STAU1: variants seen among roughly 807,000 people sequenced by gnomAD.
STAU1 encodes staufen double-stranded RNA binding protein 1.
STAU1 carries 13 observed loss-of-function variants against 62.9 expected under a neutral mutation model. The observed-to-expected ratio is 0.21, with a 90% CI of 0.13 to 0.33. The LOEUF (loss-of-function observed/expected upper bound fraction) is 0.33, where lower values mean the gene tolerates loss of function less well. Among genes scored for constraint, STAU1 ranks in the 10% least tolerant of loss-of-function variants. The pLI is 1.00. For synonymous variants in STAU1, 269 were observed against 265.1 expected (o/e 1.01, Z -0.14); for missense variants, 571 against 712.1 (o/e 0.80, Z 2.25).
At chr20:49,125,331 C>A (rs2092583246) in intron 6 of STAU1, among the ~76,000 whole-genome samples, 1 of 149,778 alleles carries the variant, frequency 6.7e-6, no homozygotes, top group African/African-American at 2.5e-5. Context: ...GAGTTCAAGA[C>A]CAGCCTGGCC....
intron 2 of STAU1, among the ~76,000 whole-genome samples, chr20:49,171,701 A>T (rs1270596683): frequency 6.6e-6 from 1 of 152,228 alleles, no homozygotes; most frequent in South Asian, 2.1e-4. Flanking sequence ...CCAGCCCCCC[A>T]AAATAGTAAT....
the STAU1 span, among the ~76,000 whole-genome samples, chr20:49,214,530 A>AC: frequency 2.7e-5 from 2 of 73,364 alleles, no homozygotes; most frequent in African/African-American, 1.6e-4. Flanking sequence ...AAAAAAAAAA[A>AC]AAACAATAAC....
intron 2 of STAU1, among the ~76,000 whole-genome samples, chr20:49,167,857 C>A (rs2093547639): frequency 6.6e-6 from 1 of 152,136 alleles, no homozygotes; most frequent in South Asian, 2.1e-4. Context: ...GACTTCACAA[C>A]ACCAACCACA....
chr20:49,116,072 C>A (rs1166672663), intron 12 of STAU1, among the ~76,000 whole-genome samples: 3 of 152,190 alleles, frequency 2.0e-5, no homozygotes, highest in African/African-American at 7.2e-5. Flanking sequence ...ATCATAACCT[C>A]TGAAAATGTT....
chr20:49,144,147 C>A (rs2093070324), intron 5 of STAU1, among the ~76,000 whole-genome samples: 1 of 152,200 alleles, frequency 6.6e-6, no homozygotes, highest in Non-Finnish European at 1.5e-5. Context: ...TTATTTTTGT[C>A]ATTTTTATAT....
chr20:49,156,430 C>T (rs957263676), intron 3 of STAU1, among the ~76,000 whole-genome samples: 4 of 152,050 alleles, frequency 2.6e-5, no homozygotes, highest in African/African-American at 7.2e-5. Flanking sequence ...TCAAAATCAA[C>T]AAGTTAAGAA....
intron 4 of STAU1, among the ~76,000 whole-genome samples, chr20:49,152,360 T>TTTC (rs1555852534): frequency 6.7e-6 from 1 of 149,782 alleles, no homozygotes; most frequent in Non-Finnish European, 1.5e-5. Flanking sequence ...TTTTTTTTTT[T>TTTC]GTGAGATGGA....
In STAU1 at chr20:49,156,878, A is replaced by AT. The variant is rs3091610; in HGVS notation, c.206-2808dup. On this transcript the variant is annotated intron_variant, in intron 3 of 13. Transcript: ENST00000371856. Reference sequence around the variant, plus strand: ...AGAGATTGTGTGTGTATGCACTGAAATTTTTTTTTTTTTTTAAGAGACACA... The same window carrying AT: ...AGAGATTGTGTGTGTATGCACTGAAATTTTTTTTTTTTTTTTAAGAGACACA... Among the ~76,000 whole-genome samples, 79 of 147,276 alleles carry AT rather than the reference A, an allele frequency of 5.4e-4. No homozygotes were observed. In the East Asian group the frequency reaches 9.0e-3, roughly 17 times the overall value.
At chr20:49,186,875 A>G (rs1474780140) in intron 1 of STAU1, among the ~76,000 whole-genome samples, 1 of 152,046 alleles carries the variant, frequency 6.6e-6, no homozygotes, top group Non-Finnish European at 1.5e-5. Context: ...GACCTTAAAA[A>G]CTTCCACACA....
intron 5 of STAU1, among the ~76,000 whole-genome samples, chr20:49,146,875 A>G (rs886808189): frequency 6.6e-6 from 1 of 151,988 alleles, no homozygotes; most frequent in Non-Finnish European, 1.5e-5. Context: ...GTTTTTAACC[A>G]CTTTCCTAGT....
intron 5 of STAU1, among the ~76,000 whole-genome samples, chr20:49,142,246 C>A (rs2146118536): frequency 6.6e-6 from 1 of 152,180 alleles, no homozygotes; most frequent in Middle Eastern, 3.4e-3. Context: ...GCCACCATGC[C>A]TGGCTAATTT....
the STAU1 span, among the ~76,000 whole-genome samples, chr20:49,199,407 T>C: frequency 0.33 from 48,990 of 148,144 alleles, 8,814 homozygotes; most frequent in Middle Eastern, 0.48. Context: ...AGTTTTGTAT[T>C]TTTAGTAGAG....
At chr20:49,194,202 G>C in the STAU1 span, among the ~76,000 whole-genome samples, 1 of 152,050 alleles carries the variant, frequency 6.6e-6, no homozygotes, top group Non-Finnish European at 1.5e-5. Context: ...GCCAGGGCGG[G>C]CAGATCACCT....
chr20:49,211,357 A>C, the STAU1 span, among the ~76,000 whole-genome samples: 1 of 148,668 alleles, frequency 6.7e-6, no homozygotes, highest in African/African-American at 2.5e-5. Flanking sequence ...TTGCTGGTTC[A>C]TATAGTAATT....
At chr20:49,138,743 C>A (rs2092944543) in intron 5 of STAU1, among the ~76,000 whole-genome samples, 1 of 152,134 alleles carries the variant, frequency 6.6e-6, no homozygotes, top group African/African-American at 2.4e-5. Flanking sequence ...AAGCAACCCT[C>A]CCACCTCAAC....
chr20:49,131,780 T>C (rs2092755185), intron 6 of STAU1, among the ~76,000 whole-genome samples: 1 of 151,070 alleles, frequency 6.6e-6, no homozygotes, highest in Non-Finnish European at 1.5e-5. Flanking sequence ...GAGGCAGAGG[T>C]TGCAGTGAGC....
intron 6 of STAU1, among the ~76,000 whole-genome samples, chr20:49,126,588 C>CAAAAAAAAAAAAAAAAAAAACA: frequency 1.8e-5 from 1 of 56,348 alleles, no homozygotes; most frequent in Non-Finnish European, 3.7e-5. Context: ...AAAAAAAAAA[C>CAAAAAAAAAAAAAAAAAAAACA]AAAAAAAAAA....
intron 5 of STAU1, among the ~76,000 whole-genome samples, 181 bp from the exon 6 acceptor site, chr20:49,136,112 T>TAAA (rs2092876804): frequency 1.3e-5 from 2 of 151,896 alleles, no homozygotes; most frequent in South Asian, 4.2e-4. Flanking sequence ...ACCTTGTCTC[T>TAAA]AAAACAAAAA....
intron 3 of STAU1, among the ~76,000 whole-genome samples, chr20:49,160,814 G>C (rs1481606273): frequency 6.6e-6 from 1 of 152,070 alleles, no homozygotes; most frequent in African/African-American, 2.4e-5. Flanking sequence ...CAAACCTTTT[G>C]CCCAGATTGC....
Sources: allele counts gnomAD v4.1 joint callset (sites outside exome capture counted in the v4.1 genomes callset), GRCh38; gene constraint gnomAD v4.1.1; transcripts MANE v1.5; gene names NCBI Gene and HGNC (gene_info 2026-07-23, HGNC 2026-07-21).